The following NOD1 variants were observed in gnomAD, a reference collection of about 807,000 sequenced individuals.
NOD1 encodes nucleotide-binding oligomerization domain-containing protein 1.
NOD1 carries 70 observed loss-of-function variants against 81.2 expected under a neutral mutation model. The observed-to-expected ratio is 0.86, with a 90% CI of 0.71 to 1.05. The LOEUF (loss-of-function observed/expected upper bound fraction) is 1.05. NOD1 is among the 50% of genes least tolerant of loss of function. The probability of loss-of-function intolerance (pLI) is 0.00; values close to 1 mark genes in which losing one functional copy is unlikely to be tolerated. For synonymous variants in NOD1, 508 were observed against 526.9 expected, an observed-to-expected ratio of 0.96 and a Z score of 0.49; for missense variants, 1,233 against 1,228.0, an observed-to-expected ratio of 1.00 and a Z score of -0.06.
intron 9 of NOD1, among the ~76,000 whole-genome samples, chr7:30,438,884 TA>T (rs1314696586): frequency 6.6e-6 from 1 of 152,238 alleles, no homozygotes; most frequent in Non-Finnish European, 1.5e-5. Context: ...TAACTGAGCT[TA>T]AATGTTAACA....
chr7:30,448,775 G>A (rs1785385318), intron 6 of NOD1, among the ~76,000 whole-genome samples: 1 of 152,226 alleles, frequency 6.6e-6, no homozygotes, highest in South Asian at 2.1e-4. Flanking sequence ...TTTAGTGGTT[G>A]TGACTGGAGG....
At chr7:30,477,866 T>C (rs906403608) in intron 1 of NOD1, among the ~76,000 whole-genome samples, 1 of 138,882 alleles carries the variant, frequency 7.2e-6, no homozygotes, top group Admixed American at 6.8e-5. Flanking sequence ...ATCAAGGCCA[T>C]GGGTTTACTA....
rs1461637722 is a variant in NOD1, at chr7:30,459,204, T to C, written c.-174A>G. ...GAAGTTAGAATATTTTAAAACAACATTGTTTAAATCTTCAATTTCCAATTT... is the reference window on the plus strand; with the variant it reads ...GAAGTTAGAATATTTTAAAACAACACTGTTTAAATCTTCAATTTCCAATTT... On this transcript the variant is annotated 5_prime_UTR_variant, in exon 3 of 14. It removes an upstream start codon present in the reference 5' UTR. Transcript: ENST00000222823. 4 of 152,646 alleles carry C rather than the reference T, an allele frequency of 2.6e-5. No homozygotes were observed. The highest frequency in any genetic ancestry group is 1.9e-4 in the East Asian group (1 of 5,204). The allele number at this position is 152,646 out of a possible 1,614,324, so 9.5% of individuals were successfully genotyped here.
intron 1 of NOD1, among the ~76,000 whole-genome samples, chr7:30,465,790 G>A (rs1022358763): frequency 6.6e-6 from 1 of 152,184 alleles, no homozygotes; most frequent in Non-Finnish European, 1.5e-5. Context: ...TGTAGCAGAT[G>A]CTATCTTAGA....
At chr7:30,431,366 G>A (rs796559011) in intron 12 of NOD1, among the ~76,000 whole-genome samples, 2 of 152,318 alleles carry the variant, frequency 1.3e-5, no homozygotes, top group African/African-American at 4.8e-5. Flanking sequence ...TCTTGAGAAA[G>A]AAGAACAAAG....
intron 1 of NOD1, chr7:30,460,693 G>C (rs1786955371): frequency 2.0e-6 from 2 of 985,350 alleles, no homozygotes; most frequent in African/African-American, 3.5e-5. Flanking sequence ...AAAGGCAGGT[G>C]GGGGTAGAGC....
At chr7:30,438,584 C>T (rs1431073563) in intron 9 of NOD1, among the ~76,000 whole-genome samples, 1 of 152,234 alleles carries the variant, frequency 6.6e-6, no homozygotes, top group African/African-American at 2.4e-5. Flanking sequence ...GCTGCCTCAA[C>T]AACACGTTCA....
rs758905708 is a variant in NOD1 at position 30,451,808 on chromosome 7, T to A, written c.1609A>T (p.Thr537Ser). The change falls in exon 6 of 14, where the codon ACT (threonine) becomes TCT (serine). Residue 537 changes from threonine (T) to serine (S), a missense_variant. Transcript: ENST00000222823. The surrounding 1 kb of genome is among the most constrained non-coding windows in gnomAD (Gnocchi z 4.2). ...TGGAAGAACCTGAGCAGCTCCTGAG[T>A]GCCCACCCTGTCGTCCAGCACGAGG... ...FFLVLDDRVGTQELLRFFQEW... is the reference protein window; with the variant it reads ...FFLVLDDRVGSQELLRFFQEW... 6.2e-7 allele frequency: 1 copy of A among 1,613,730 alleles called. No individual in the cohort carries two copies. The highest frequency in any genetic ancestry group is 8.5e-7 in the Non-Finnish European group (1 of 1,179,986).
chr7:30,448,325 G>A lies in NOD1; in HGVS notation c.2258C>T (p.Thr753Ile), dbSNP rs539294978. The A allele has an allele frequency of 2.2e-4, 359 of 1,614,172 alleles. 5 individuals are homozygous for A. The South Asian group carries it at 3.7e-3, about 17-fold the overall frequency. ...GGVKVLSEEL[T>I]KYKIVTYLGL... ...CAAATAGGTCACAATTTTGTATTTG[G>A]TCAGCTCTTCGCTTAGCACCTTTAC... Residue 753 changes from threonine (T) to isoleucine (I), a missense_variant, in exon 7 of 14, where the codon ACC becomes ATC. Thr to Ile is a moderately conservative substitution (Grantham distance 89). Coordinates refer to ENST00000222823, the MANE Select transcript of NOD1 (RefSeq NM_006092.4).
intron 12 of NOD1, among the ~76,000 whole-genome samples, chr7:30,430,885 A>C (rs1322145037): frequency 6.6e-6 from 1 of 152,244 alleles, no homozygotes; most frequent in Non-Finnish European, 1.5e-5. Flanking sequence ...CCCTGGGTTC[A>C]ATGGCAGAGG....
chr7:30,463,072 A>T (rs1179074206), intron 1 of NOD1, among the ~76,000 whole-genome samples: 1 of 152,118 alleles, frequency 6.6e-6, no homozygotes, highest in African/African-American at 2.4e-5. Flanking sequence ...AAAGAGGAAT[A>T]AGGAAAATTT....
Position 30,451,193 on chromosome 7 carries a change from C to T in NOD1, c.2201+23G>A, listed in dbSNP as rs1215466702. 6.2e-7 allele frequency: 1 copy of T among 1,603,616 alleles called. No homozygotes were observed. The highest frequency in any genetic ancestry group is 8.5e-7 in the Non-Finnish European group (1 of 1,173,464). Reference sequence around the variant, plus strand: ...CCTGGCCCGCCCGGCCCACCTGTTGCTCCCCTTGCCTGGCAGCCTCACCTG... The same window carrying T: ...CCTGGCCCGCCCGGCCCACCTGTTGTTCCCCTTGCCTGGCAGCCTCACCTG... On this transcript the variant is annotated intron_variant, in intron 6 of 13. Coordinates refer to ENST00000222823, the MANE Select transcript of NOD1 (RefSeq NM_006092.4). This position sits in a 1 kb window ranked among gnomAD's most constrained non-coding sequence, Gnocchi z 4.2.
At chr7:30,476,425 G>A (rs1436351650) in intron 1 of NOD1, among the ~76,000 whole-genome samples, 1 of 152,196 alleles carries the variant, frequency 6.6e-6, no homozygotes, top group Non-Finnish European at 1.5e-5. Context: ...ATCAGCAATT[G>A]TAGAATTTGG....
At chr7:30,455,932 T>G (rs1786321203) in intron 4 of NOD1, among the ~76,000 whole-genome samples, 1 of 152,196 alleles carries the variant, frequency 6.6e-6, no homozygotes, top group African/African-American at 2.4e-5. Flanking sequence ...CTGACACAAC[T>G]GCTGTGCAGG....
intron 4 of NOD1, 56 bp from the exon 5 acceptor site, chr7:30,455,367 A>G (rs538237689): frequency 1.2e-4 from 174 of 1,467,542 alleles, no homozygotes; most frequent in East Asian, 8.9e-4. Context: ...TCCTCCTACC[A>G]TAAGGACCCT....
intron 13 of NOD1, 59 bp downstream of exon 13, chr7:30,429,315 C>T: frequency 2.1e-6 from 3 of 1,396,890 alleles, no homozygotes; most frequent in African/African-American, 1.4e-5. Flanking sequence ...CTTGCACAGT[C>T]AGTGGTGGTG....
In NOD1 at chr7:30,456,869, G is replaced by T. The variant is rs747367948; in HGVS notation, c.53C>A (p.Pro18His). The T allele has an allele frequency of 2.5e-5, 41 of 1,614,068 alleles. No individual in the cohort carries two copies. The South Asian group carries it at 4.4e-4, about 17-fold the overall frequency. Residue 18 changes from proline (P) to histidine (H), a missense_variant, in exon 4 of 14, where the codon CCC becomes CAC. Transcript: ENST00000222823. ...EMEIIPSESH[P>H]HIQLLKSNRE... The stretch of plus-strand genomic sequence containing the variant: ...ATTGCTTTTCAGTAATTGAATGTGG[G>T]GGTGAGACTCTGATGGGATTATTTC...
chr7:30,429,015 G>T (rs1281424067), intron 13 of NOD1, among the ~76,000 whole-genome samples: 1 of 152,192 alleles, frequency 6.6e-6, no homozygotes, highest in Non-Finnish European at 1.5e-5. Context: ...GGCCAACACA[G>T]TCATCTCTCA....
intron 13 of NOD1, among the ~76,000 whole-genome samples, chr7:30,427,854 C>T (rs1279117369): frequency 1.3e-5 from 2 of 152,210 alleles, no homozygotes; most frequent in Non-Finnish European, 2.9e-5. Flanking sequence ...GCTCTGCAAA[C>T]TGTTCTGTAG....
Sources: gnomAD v4.1 joint callset for allele counts (sites outside exome capture counted in the v4.1 genomes callset) on GRCh38, gnomAD v4.1.1 for gene constraint, Gnocchi (gnomAD v3.1) non-coding constraint, MANE v1.5 for transcripts, NCBI Gene and HGNC (gene_info 2026-07-23, HGNC 2026-07-21) for gene names.